The following RRP1 variants were observed in gnomAD, a reference collection of about 807,000 sequenced individuals.
RRP1 encodes the protein ribosomal RNA processing 1.
Under a neutral mutation model 54.6 loss-of-function variants are expected in RRP1, and 37 were observed. That is an observed-to-expected ratio of 0.68 (90% CI 0.52 to 0.89). The LOEUF is 0.89. Ranked by LOEUF, RRP1 falls within the 40% of genes least tolerant of loss-of-function variation. The pLI is 0.00. For synonymous variants in RRP1, 262 were observed against 244.3 expected (o/e 1.07, Z -0.67); for missense variants, 639 against 612.5 (o/e 1.04, Z -0.46).
rs1033795156 is a variant in RRP1, at chr21:43,801,094, T to C, written c.1009+213T>C. On this transcript the variant is annotated intron_variant, in intron 11 of 12. Coordinates refer to ENST00000497547, the MANE Select transcript of RRP1 (RefSeq NM_003683.6). ...AGTGGTTCTCAGACTTGAGTGTCCA[T>C]TGGAGTGCCCCAGAGCCTGAGAGAT... Among the ~76,000 whole-genome samples, 5 of 152,172 alleles carry C rather than the reference T, an allele frequency of 3.3e-5. No individual in the cohort carries two copies. In the East Asian group the frequency reaches 5.8e-4, roughly 18 times the overall value.
rs1361309654 is a variant in RRP1, at chr21:43,798,050, G to T, written c.761G>T (p.Gly254Val). The change falls in exon 8 of 13, where the codon GGT becomes GTT. Residue 254 changes from glycine (G) to valine (V), a missense_variant. Coordinates refer to ENST00000497547, the MANE Select transcript of RRP1 (RefSeq NM_003683.6). The part of the protein sequence containing the change: ...ASDSDESSEG[G>V]ERGDALSQKR... ...GACAGTGATGAGTCCTCTGAGGGTG[G>T]TGAGCGTGGAGACGCGCTGTCCCAG... The T allele has an allele frequency of 6.2e-7, 1 of 1,614,110 alleles. No homozygotes were observed. Among genetic ancestry groups the T allele is most frequent in the Admixed American group, 1.7e-5 (1 of 60,014 alleles).
intron 12 of RRP1, chr21:43,802,604 T>G: frequency 1.9e-6 from 1 of 531,174 alleles, no homozygotes. Flanking sequence ...TGTCTGCAGC[T>G]CCCCCGAGCT....
At chr21:43,790,031 C>T (rs1046144029) in intron 1 of RRP1, among the ~76,000 whole-genome samples, 1 of 152,266 alleles carries the variant, frequency 6.6e-6, no homozygotes, top group African/African-American at 2.4e-5. Flanking sequence ...CGTCCCCTCC[C>T]TCCAGTAGAC....
chr21:43,798,029 G>A lies in RRP1; in HGVS notation c.740G>A (p.Ser247Asn). ...DTQDEEVASD[S>N]DESSEGGERG... ...CAGGATGAGGAGGTGGCGTCGGACA[G>A]TGATGAGTCCTCTGAGGGTGGTGAG... Residue 247 changes from serine (S) to asparagine (N), a missense_variant, in exon 8 of 13, where the codon AGT becomes AAT. Transcript: ENST00000497547. The A allele has an allele frequency of 6.2e-7, 1 of 1,614,192 alleles. No individual in the cohort carries two copies. Among genetic ancestry groups the A allele is most frequent in the Non-Finnish European group, 8.5e-7 (1 of 1,180,010 alleles).
chr21:43,794,600 T>C (rs963494203), intron 4 of RRP1, among the ~76,000 whole-genome samples: 3 of 152,166 alleles, frequency 2.0e-5, no homozygotes, highest in Non-Finnish European at 2.9e-5. Flanking sequence ...TCTGGGCGTG[T>C]GGGCATGCTG....
chr21:43,795,061 G>A, intron 4 of RRP1, 128 bp from the exon 5 acceptor site: 2 of 858,054 alleles, frequency 2.3e-6, no homozygotes, highest in Non-Finnish European at 3.9e-6. Context: ...GGCCGGCTGT[G>A]TGCTGGGGCC....
Position 43,802,353 on chromosome 21 carries a change from G to T in RRP1, c.1089G>T (p.Lys363Asn), listed in dbSNP as rs752838989. The T allele has an allele frequency of 9.9e-6, 16 of 1,614,028 alleles. No homozygotes were observed. In the South Asian group the frequency reaches 1.5e-4, roughly 16 times the overall value. ...LEGRRQKKTK[K>N]QKRLLRLQQE... is the part of the protein sequence containing the mutation. ...GGAGGCGGCAGAAGAAGACGAAGAAGCAGAAGCGTCTGCTCAGGTTGCAGC... is the reference window on the plus strand; with the variant it reads ...GGAGGCGGCAGAAGAAGACGAAGAATCAGAAGCGTCTGCTCAGGTTGCAGC... Residue 363 changes from lysine to asparagine, a missense_variant, in exon 12 of 13, where the codon AAG becomes AAT. Lys to Asn is a moderately conservative substitution (Grantham distance 94). Transcript: ENST00000497547.
rs757169712 is a variant in RRP1, at chr21:43,792,746, G to C, written c.274+17G>C. The C allele has an allele frequency of 3.7e-6, 6 of 1,613,454 alleles. No homozygotes were observed. Among genetic ancestry groups the C allele is most frequent in the Non-Finnish European group, 5.1e-6 (6 of 1,179,504 alleles). On this transcript the variant is annotated intron_variant, in intron 3 of 12. Transcript: ENST00000497547. ...CGGAGGCGCGTGAGTATGCTCTGCT[G>C]TAGTTGGGTGCATTTGTAGATGTCA...
At chr21:43,791,006 T>C (rs2084951016) in intron 1 of RRP1, 1 of 472,996 alleles carries the variant, frequency 2.1e-6, no homozygotes, top group South Asian at 1.5e-5. Context: ...GGATGAATTA[T>C]CACCAACAGA....
In RRP1 at chr21:43,797,703, G is replaced by C. The variant is rs377015797; in HGVS notation, c.617+8G>C. 8.0e-5 allele frequency: 129 copies of C among 1,613,320 alleles called. No individual in the cohort carries two copies. Among genetic ancestry groups the C allele is most frequent in the Non-Finnish European group, 1.1e-4 (124 of 1,179,976 alleles). On this transcript the variant is annotated splice_region_variant and intron_variant, in intron 7 of 12. Coordinates refer to ENST00000497547, the MANE Select transcript of RRP1 (RefSeq NM_003683.6). ...TGCTGCCCGGACCAAGGAGTAAGTGGTGGGTGGCCTGATCGGGCCCGACTC... is the reference window on the plus strand; with the variant it reads ...TGCTGCCCGGACCAAGGAGTAAGTGCTGGGTGGCCTGATCGGGCCCGACTC...
In RRP1 at chr21:43,804,678, T is replaced by A. The variant is rs1601877585; in HGVS notation, c.*904T>A. The A allele has an allele frequency of 6.6e-6, 1 of 152,386 alleles. No individual in the cohort carries two copies. Among genetic ancestry groups the A allele is most frequent in the Non-Finnish European group, 1.5e-5 (1 of 68,202 alleles). 9.4% of individuals were successfully genotyped at this position (152,386 alleles called of 1,614,324 possible). On this transcript the variant is annotated 3_prime_UTR_variant, in exon 13 of 13. Coordinates refer to ENST00000497547, the MANE Select transcript of RRP1 (RefSeq NM_003683.6). This position sits in a 1 kb window ranked among gnomAD's most constrained non-coding sequence, Gnocchi z 4.3. ...GGTTTTGCCCGCATCTTCTGTTCCATGGGTGCCCAGCCAGCCAGGCCGTGT... is the reference window on the plus strand; with the variant it reads ...GGTTTTGCCCGCATCTTCTGTTCCAAGGGTGCCCAGCCAGCCAGGCCGTGT...
Position 43,795,149 on chromosome 21 carries a change from G to C in RRP1, c.361-40G>C, listed in dbSNP as rs767023515. On this transcript the variant is annotated intron_variant, in intron 4 of 12. Transcript: ENST00000497547. ...GGGATGGGTGGTCTGGCGAAGTAGG[G>C]CTGGGCTTCTGCTAATGCCAACCTC... 5 of 1,591,802 alleles carry C rather than the reference G, an allele frequency of 3.1e-6. No individual in the cohort carries two copies. In the African/African-American group the frequency reaches 5.4e-5, roughly 17 times the overall value.
At chr21:43,801,037 T>C (rs1381567380) in intron 11 of RRP1, among the ~76,000 whole-genome samples, 156 bp downstream of exon 11, 1 of 152,174 alleles carries the variant, frequency 6.6e-6, no homozygotes, top group Non-Finnish European at 1.5e-5. Context: ...GGGCGCAGGG[T>C]TCCACAGCTC....
chr21:43,793,976 C>T (rs1234433612), intron 4 of RRP1, among the ~76,000 whole-genome samples: 4 of 152,146 alleles, frequency 2.6e-5, no homozygotes, highest in Non-Finnish European at 2.9e-5. Flanking sequence ...CATGAGGTCT[C>T]GTTACTAAGG....
intron 12 of RRP1, among the ~76,000 whole-genome samples, chr21:43,802,836 G>A (rs886844348): frequency 2.6e-5 from 4 of 152,270 alleles, no homozygotes; most frequent in African/African-American, 7.2e-5. Flanking sequence ...CTGGCCACAC[G>A]AGTGTGGTTG....
intron 8 of RRP1, among the ~76,000 whole-genome samples, chr21:43,799,203 C>A (rs1004989009): frequency 6.6e-6 from 1 of 152,192 alleles, no homozygotes; most frequent in Non-Finnish European, 1.5e-5. Context: ...TGAGGCTCCT[C>A]ACTTCCAGAA....
At chr21:43,796,209 G>A (rs765820123) in intron 5 of RRP1, among the ~76,000 whole-genome samples, 21 of 152,096 alleles carry the variant, frequency 1.4e-4, no homozygotes, top group Non-Finnish European at 2.8e-4. Context: ...TTGCATGGGT[G>A]ATTTTGCATT....
At chr21:43,802,498 C>A (rs1457787769) in intron 12 of RRP1, 111 bp downstream of exon 12, 1 of 837,550 alleles carries the variant, frequency 1.2e-6, no homozygotes, top group Non-Finnish European at 2.0e-6. Context: ...TGCCGAGTCC[C>A]CCATCCTGGG....
At chr21:43,797,757 G>A (rs2123415484) in intron 7 of RRP1, 62 bp downstream of exon 7, 2 of 1,594,798 alleles carry the variant, frequency 1.3e-6, no homozygotes, top group Non-Finnish European at 1.7e-6. Flanking sequence ...TGGGGCTGCT[G>A]TTGTGGGGGT....
Sources: allele counts gnomAD v4.1 joint callset (sites outside exome capture counted in the v4.1 genomes callset), GRCh38; gene constraint gnomAD v4.1.1; non-coding constraint Gnocchi (gnomAD v3.1); transcripts MANE v1.5; gene names NCBI Gene and HGNC (gene_info 2026-07-23, HGNC 2026-07-21).